The following ATP8A2 variants were observed in gnomAD, a reference collection of about 807,000 sequenced individuals.
ATP8A2 encodes the protein phospholipid-transporting ATPase IB.
ATP8A2 carries 100 observed loss-of-function variants against 165.6 expected under a neutral mutation model. That is an observed-to-expected ratio of 0.60 (90% confidence interval 0.51 to 0.71). The LOEUF (loss-of-function observed/expected upper bound fraction) is 0.71, where lower values mean the gene tolerates loss of function less well. Ranked by LOEUF, ATP8A2 falls within the 30% of genes least tolerant of loss-of-function variation. The pLI is 0.00. For synonymous variants in ATP8A2, 543 were observed against 548.8 expected, an observed-to-expected ratio of 0.99 and a Z score of 0.15; for missense variants, 1,227 against 1,479.5, an observed-to-expected ratio of 0.83 and a Z score of 2.80.
chr13:25,400,152 G>A (rs950091218), intron 1 of ATP8A2, among the ~76,000 whole-genome samples: 9 of 152,008 alleles, frequency 5.9e-5, no homozygotes, highest in Admixed American at 5.9e-4. Context: ...GTGAACTCCT[G>A]GGCTCAAGAG....
At chr13:25,520,599 T>G (rs575663769) in intron 2 of ATP8A2, among the ~76,000 whole-genome samples, 18 of 146,714 alleles carry the variant, frequency 1.2e-4, no homozygotes, top group South Asian at 4.5e-4. Flanking sequence ...TAGTTTTTTT[T>G]TTTTTTGTTT....
At chr13:25,470,768 A>G (rs2035820235) in intron 2 of ATP8A2, among the ~76,000 whole-genome samples, 1 of 152,230 alleles carries the variant, frequency 6.6e-6, no homozygotes, top group African/African-American at 2.4e-5. Context: ...ACAGTGCAAT[A>G]TTATTGGGCC....
intron 25 of ATP8A2, among the ~76,000 whole-genome samples, chr13:25,738,682 G>A (rs934951630): frequency 1.3e-5 from 2 of 152,244 alleles, no homozygotes; most frequent in African/African-American, 2.4e-5. Context: ...TGTAAGAACT[G>A]CAGGCAAAAT....
intron 1 of ATP8A2, among the ~76,000 whole-genome samples, chr13:25,374,205 G>A (rs1031443610): frequency 6.6e-6 from 1 of 152,160 alleles, no homozygotes; most frequent in African/African-American, 2.4e-5. Flanking sequence ...GTGTGGAGAT[G>A]TTCAGGAAGG....
At chr13:25,473,602 A>G (rs1481197388) in intron 2 of ATP8A2, among the ~76,000 whole-genome samples, 1 of 152,194 alleles carries the variant, frequency 6.6e-6, no homozygotes, top group Non-Finnish European at 1.5e-5. Flanking sequence ...TTGTGCAACT[A>G]TCATCACAGT....
intron 30 of ATP8A2, among the ~76,000 whole-genome samples, chr13:25,842,503 C>G (rs530039648): frequency 6.6e-6 from 1 of 152,144 alleles, no homozygotes; most frequent in Non-Finnish European, 1.5e-5. Context: ...AAAACCCCGT[C>G]TCTACTAAAA....
chr13:25,929,673 C>G (rs1954709526), intron 33 of ATP8A2, among the ~76,000 whole-genome samples: 1 of 152,090 alleles, frequency 6.6e-6, no homozygotes, highest in African/African-American at 2.4e-5. Flanking sequence ...AGCCTGGCAA[C>G]ACAGTGAGAC....
At chr13:26,001,191 C>T (rs1437284807) in intron 35 of ATP8A2, among the ~76,000 whole-genome samples, 1 of 152,216 alleles carries the variant, frequency 6.6e-6, no homozygotes, top group Non-Finnish European at 1.5e-5. Context: ...GTCTTTATCC[C>T]TGAAGTATGT....
rs2032427675 is a variant in ATP8A2, at chr13:25,372,237, A to G, written c.25A>G (p.Lys9Glu). ...GATGCTGAACGGCGCAGGCCTGGACAAAGCTCTTAAGATGTCCCTGCCGCG... is the reference window on the plus strand; with the variant it reads ...GATGCTGAACGGCGCAGGCCTGGACGAAGCTCTTAAGATGTCCCTGCCGCG... MLNGAGLDKALKMSLPRRS... is the reference protein window; with the variant it reads MLNGAGLDEALKMSLPRRS... The change falls in exon 1 of 37, where the codon AAA (lysine) becomes GAA (glutamate). Residue 9 changes from lysine to glutamate, a missense_variant. Around this residue, in one of 5 missense-constraint regions of ATP8A2, gnomAD observed 356 missense variants for 394.9 expected, o/e 0.90. Coordinates refer to ENST00000381655, the MANE Select transcript of ATP8A2 (RefSeq NM_016529.6). This position sits in a 1 kb window ranked among gnomAD's most constrained non-coding sequence, Gnocchi z 4.8. The G allele has an allele frequency of 6.8e-7, 1 of 1,479,920 alleles. No individual in the cohort carries two copies. Among genetic ancestry groups the G allele is most frequent in the East Asian group, 3.1e-5 (1 of 32,708 alleles). The allele number at this position is 1,479,920 out of a possible 1,614,324, so 91.7% of individuals were successfully genotyped here.
chr13:25,902,463 G>C (rs939084594), intron 33 of ATP8A2, among the ~76,000 whole-genome samples: 3 of 151,630 alleles, frequency 2.0e-5, no homozygotes, highest in Admixed American at 6.6e-5. Flanking sequence ...AAAGAATAGA[G>C]TATAAATATT....
chr13:25,551,256 T>C (rs920601030), intron 10 of ATP8A2, 82 bp from the exon 11 acceptor site: 39 of 1,313,854 alleles, frequency 3.0e-5, no homozygotes, highest in Non-Finnish European at 4.0e-5. Context: ...TTGTTAAATA[T>C]GGTTGTTTTA....
At chr13:25,417,643 T>G (rs1422035518) in intron 1 of ATP8A2, among the ~76,000 whole-genome samples, 1 of 152,206 alleles carries the variant, frequency 6.6e-6, no homozygotes, top group Non-Finnish European at 1.5e-5. Flanking sequence ...TGCGTAGGAC[T>G]GGAAGTTTAT....
chr13:25,511,498 C>T (rs1260399807), intron 2 of ATP8A2, among the ~76,000 whole-genome samples: 2 of 152,022 alleles, frequency 1.3e-5, no homozygotes, highest in Non-Finnish European at 2.9e-5. Flanking sequence ...GGGTTGCTTT[C>T]TTGATTACTG....
At chr13:25,437,161 T>G (rs1284297729) in intron 1 of ATP8A2, among the ~76,000 whole-genome samples, 1 of 152,186 alleles carries the variant, frequency 6.6e-6, no homozygotes, top group African/African-American at 2.4e-5. Flanking sequence ...CTCTGATGAT[T>G]AGTGATAATG....
intron 9 of ATP8A2, among the ~76,000 whole-genome samples, 155 bp downstream of exon 9, chr13:25,542,201 A>G (rs1385106119): frequency 4.6e-5 from 7 of 152,166 alleles, no homozygotes; most frequent in African/African-American, 1.7e-4. Flanking sequence ...AGATTTAAGA[A>G]AAAAACCCTG....
At chr13:25,702,739 C>A (rs2042976979) in intron 25 of ATP8A2, among the ~76,000 whole-genome samples, 1 of 152,194 alleles carries the variant, frequency 6.6e-6, no homozygotes, top group Non-Finnish European at 1.5e-5. Context: ...GAAGGCATAG[C>A]TGGGTCTCCA....
intron 14 of ATP8A2, among the ~76,000 whole-genome samples, 153 bp from the exon 15 acceptor site, chr13:25,559,568 A>T (rs2138105761): frequency 6.6e-6 from 1 of 152,212 alleles, no homozygotes; most frequent in South Asian, 2.1e-4. Context: ...GCAACAAAAA[A>T]AGTGGTTTAT....
intron 33 of ATP8A2, among the ~76,000 whole-genome samples, chr13:25,902,850 G>T (rs1306430793): frequency 6.6e-6 from 1 of 151,818 alleles, no homozygotes; most frequent in Admixed American, 6.6e-5. Flanking sequence ...CCAGTTTTCA[G>T]TACGACATTT....
chr13:26,008,098 A>C (rs1956779255), intron 35 of ATP8A2, among the ~76,000 whole-genome samples: 1 of 152,160 alleles, frequency 6.6e-6, no homozygotes. Flanking sequence ...TGTAACCCAC[A>C]GGGCCCTAGC....
Sources: gnomAD v4.1 joint callset for allele counts (sites outside exome capture counted in the v4.1 genomes callset) on GRCh38, gnomAD v4.1.1 for gene constraint, gnomAD v4.1.1 regional missense constraint, Gnocchi (gnomAD v3.1) non-coding constraint, MANE v1.5 for transcripts, NCBI Gene and HGNC (gene_info 2026-07-23, HGNC 2026-07-21) for gene names.